The following DLG2 variants were observed in gnomAD, a reference collection of about 807,000 sequenced individuals.
DLG2 encodes the protein disks large homolog 2.
In DLG2, 45 loss-of-function variants were observed where a neutral mutation model predicts 132.5. The observed-to-expected ratio is 0.34, with a 90% confidence interval of 0.27 to 0.44. DLG2 has a LOEUF of 0.44. Ranked by LOEUF, DLG2 falls within the 20% of genes least tolerant of loss-of-function variation. DLG2 has a pLI of 1.00. For synonymous variants in DLG2, 424 were observed against 419.6 expected (o/e 1.01, Z -0.13); for missense variants, 1,045 against 1,196.9 (o/e 0.87, Z 1.87).
At position 83,456,839 on chromosome 11, in the gene DLG2, A is replaced by C. The variant is rs1461345459; in HGVS notation, c.*2979T>G. On this transcript the variant is annotated 3_prime_UTR_variant, in exon 28 of 28. Transcript: ENST00000376104. Reference sequence around the variant, plus strand: ...CACCCGAGTGCAGCTTTGTGAAGACAGGCTCTTTAAGCAGACAGAGCCAAC... The same window carrying C: ...CACCCGAGTGCAGCTTTGTGAAGACCGGCTCTTTAAGCAGACAGAGCCAAC... 6.6e-6 allele frequency: 1 copy of C among 152,250 alleles called. No individual in the cohort carries two copies. The highest frequency in any genetic ancestry group is 1.5e-5 in the Non-Finnish European group (1 of 68,026). 9.4% of individuals were successfully genotyped at this position (152,250 alleles called of 1,614,324 possible).
intron 6 of DLG2, among the ~76,000 whole-genome samples, chr11:84,795,757 G>A (rs995108429): frequency 6.6e-6 from 1 of 152,072 alleles, no homozygotes; most frequent in African/African-American, 2.4e-5. Context: ...CCGGAGCCAG[G>A]GCTGCCAAAC....
intron 8 of DLG2, among the ~76,000 whole-genome samples, chr11:84,250,998 C>T (rs2154350498): frequency 6.6e-6 from 1 of 152,218 alleles, no homozygotes; most frequent in East Asian, 1.9e-4. Context: ...ACTATTTAAA[C>T]AGCGTTGTTT....
intron 21 of DLG2, among the ~76,000 whole-genome samples, chr11:83,489,656 C>A (rs1280167804): frequency 6.6e-6 from 1 of 151,958 alleles, no homozygotes; most frequent in Non-Finnish European, 1.5e-5. Flanking sequence ...AAATCTGATG[C>A]ATTGGATTGC....
At chr11:84,505,153 T>C (rs1226082596) in intron 7 of DLG2, among the ~76,000 whole-genome samples, 4 of 152,148 alleles carry the variant, frequency 2.6e-5, no homozygotes, top group Non-Finnish European at 4.4e-5. Context: ...AAATGTATCC[T>C]ATTTATTTCA....
At chr11:85,453,483 T>G (rs1355050738) in intron 3 of DLG2, 1 of 156,626 alleles carries the variant, frequency 6.4e-6, no homozygotes, top group Non-Finnish European at 1.4e-5. Context: ...TATCCCACTT[T>G]CCTTCATCAA....
chr11:84,246,066 G>C (rs978207224), intron 8 of DLG2, among the ~76,000 whole-genome samples: 4 of 152,118 alleles, frequency 2.6e-5, no homozygotes, highest in Non-Finnish European at 5.9e-5. Flanking sequence ...CCCACCTCCT[G>C]GTCCCCAGAA....
At chr11:83,840,927 T>A (rs978035745) in intron 16 of DLG2, among the ~76,000 whole-genome samples, 3 of 152,226 alleles carry the variant, frequency 2.0e-5, no homozygotes, top group African/African-American at 7.2e-5. Context: ...TAATACCCTT[T>A]TATCTTACTG....
chr11:84,780,249 T>G (rs2071479338), intron 6 of DLG2, among the ~76,000 whole-genome samples: 1 of 151,928 alleles, frequency 6.6e-6, no homozygotes, highest in Non-Finnish European at 1.5e-5. Flanking sequence ...TTAATAAATA[T>G]GATACATCAC....
chr11:84,066,337 G>A (rs182248418), intron 10 of DLG2, among the ~76,000 whole-genome samples: 6 of 152,254 alleles, frequency 3.9e-5, no homozygotes, highest in Admixed American at 3.9e-4. Context: ...CTTGCCCACA[G>A]TAAAACTTAT....
At chr11:84,546,680 C>T (rs1184766981) in intron 6 of DLG2, 8 of 528,852 alleles carry the variant, frequency 1.5e-5, no homozygotes, top group Non-Finnish European at 2.2e-5. Context: ...ACCCAAAGGC[C>T]CTGGAGCAAT....
At chr11:85,262,253 A>T (rs988791556) in intron 4 of DLG2, among the ~76,000 whole-genome samples, 62 of 152,340 alleles carry the variant, frequency 4.1e-4, no homozygotes, top group African/African-American at 1.5e-3. Context: ...GTAGGCCTCC[A>T]TAACAACTGT....
At chr11:84,647,113 A>G (rs2099675911) in intron 6 of DLG2, among the ~76,000 whole-genome samples, 1 of 152,144 alleles carries the variant, frequency 6.6e-6, no homozygotes, top group African/African-American at 2.4e-5. Flanking sequence ...TATATAATAA[A>G]TATTTCAGGT....
At chr11:83,772,404 T>C (rs527772560) in intron 18 of DLG2, among the ~76,000 whole-genome samples, 2 of 135,786 alleles carry the variant, frequency 1.5e-5, no homozygotes, top group Admixed American at 8.4e-5. Context: ...AGCAAGACCC[T>C]GTCTCAATAA....
intron 5 of DLG2, among the ~76,000 whole-genome samples, chr11:85,146,242 C>T (rs1337122617): frequency 6.6e-6 from 1 of 151,376 alleles, no homozygotes; most frequent in African/African-American, 2.4e-5. Context: ...CTCTCTCTCT[C>T]TCTCTCTCTC....
At chr11:84,036,435 G>C (rs775002468) in intron 11 of DLG2, among the ~76,000 whole-genome samples, 1 of 151,914 alleles carries the variant, frequency 6.6e-6, no homozygotes, top group Non-Finnish European at 1.5e-5. Context: ...ATTTTCAATT[G>C]ATTAATGAAT....
At chr11:84,959,736 A>C (rs1277385313) in intron 6 of DLG2, among the ~76,000 whole-genome samples, 1 of 152,234 alleles carries the variant, frequency 6.6e-6, no homozygotes, top group Non-Finnish European at 1.5e-5. Flanking sequence ...TATAATGTTA[A>C]TTAGTCACAA....
chr11:85,011,804 A>G (rs983511191), intron 6 of DLG2, among the ~76,000 whole-genome samples: 1 of 152,218 alleles, frequency 6.6e-6, no homozygotes, highest in African/African-American at 2.4e-5. Flanking sequence ...GTTTTATCCT[A>G]CTATGGACAG....
chr11:83,917,176 C>T (rs1032157901), intron 15 of DLG2, among the ~76,000 whole-genome samples: 1 of 152,166 alleles, frequency 6.6e-6, no homozygotes, highest in Non-Finnish European at 1.5e-5. Context: ...CTGACATTTG[C>T]TTAGCATGCT....
chr11:85,437,065 C>G (rs1182470672), intron 3 of DLG2, among the ~76,000 whole-genome samples: 3 of 152,128 alleles, frequency 2.0e-5, no homozygotes, highest in Non-Finnish European at 4.4e-5. Flanking sequence ...AAGCCAAACA[C>G]AGTGTGTTCT....
Sources: gnomAD v4.1 joint callset for allele counts (sites outside exome capture counted in the v4.1 genomes callset) on GRCh38, gnomAD v4.1.1 for gene constraint, MANE v1.5 for transcripts, NCBI Gene and HGNC (gene_info 2026-07-23, HGNC 2026-07-21) for gene names.